The following ARMC9 variants were observed in gnomAD, a reference collection of about 807,000 sequenced individuals.
ARMC9 encodes lisH domain-containing protein ARMC9.
A neutral mutation model predicts 107.0 loss-of-function variants in ARMC9; 94 were observed. The observed-to-expected ratio is 0.88, with a 90% CI of 0.74 to 1.04. The LOEUF (loss-of-function observed/expected upper bound fraction) is 1.04. Ranked by LOEUF, ARMC9 falls within the 50% of genes least tolerant of loss-of-function variation. The pLI is 0.00. For missense variants in ARMC9, 942 were observed against 1,030.1 expected, an observed-to-expected ratio of 0.91 and a Z score of 1.17; for synonymous variants, 380 against 396.9, an observed-to-expected ratio of 0.96 and a Z score of 0.51.
chr2:231,229,230 C>G (rs1378262279), intron 7 of ARMC9, among the ~76,000 whole-genome samples: 1 of 152,134 alleles, frequency 6.6e-6, no homozygotes, highest in Non-Finnish European at 1.5e-5. Flanking sequence ...TTTGTCACCC[C>G]CTTGTCCCCT....
chr2:231,220,811 T>C (rs2034047477), intron 5 of ARMC9, among the ~76,000 whole-genome samples: 1 of 152,200 alleles, frequency 6.6e-6, no homozygotes, highest in South Asian at 2.1e-4. Context: ...ATCCCTGTCA[T>C]TAGCAGAGCA....
In ARMC9 at chr2:231,360,854, C is replaced by T. The variant is rs1219700669; in HGVS notation, c.2232C>T (p.Pro744=). Residue 744 remains proline (P), a synonymous_variant, in exon 23 of 25, where the codon CCC becomes CCT. Transcript: ENST00000611582. This position sits in a 1 kb window ranked among gnomAD's most constrained non-coding sequence, Gnocchi z 4.7. ...TGTPRQPREA[P]QDPGNGVTTR... ...CCCCCCGCCAGCCAAGGGAGGCGCC[C>T]CAGGACCCAGGCAATGGAGTGACCA... 34 of 1,534,966 alleles carry T rather than the reference C, an allele frequency of 2.2e-5. No individual in the cohort carries two copies. In the East Asian group the frequency reaches 6.6e-4, roughly 30 times the overall value.
At chr2:231,258,904 C>G (rs997204229) in intron 10 of ARMC9, 87 bp from the exon 11 acceptor site, 2 of 1,237,552 alleles carry the variant, frequency 1.6e-6, no homozygotes, top group Non-Finnish European at 2.3e-6. Flanking sequence ...ACAGCAGGCT[C>G]TAGCTTGGGT....
intron 19 of ARMC9, among the ~76,000 whole-genome samples, chr2:231,308,953 G>A (rs1015355086): frequency 5.3e-5 from 8 of 152,214 alleles, no homozygotes; most frequent in Admixed American, 2.6e-4. Context: ...CACAGGCTAC[G>A]CTTCTAATCC....
chr2:231,245,254 C>A (rs1401505042), intron 9 of ARMC9, among the ~76,000 whole-genome samples: 1 of 152,232 alleles, frequency 6.6e-6, no homozygotes, highest in African/African-American at 2.4e-5. Context: ...TTTATATTAT[C>A]ATCAACTTAG....
intron 10 of ARMC9, among the ~76,000 whole-genome samples, chr2:231,257,833 G>A (rs1205314453): frequency 6.6e-6 from 1 of 152,176 alleles, no homozygotes. Flanking sequence ...GAACTAGACT[G>A]CAAACCTCAT....
chr2:231,260,508 T>C (rs2038232139), intron 11 of ARMC9, among the ~76,000 whole-genome samples: 1 of 152,230 alleles, frequency 6.6e-6, no homozygotes. Flanking sequence ...CATCTGTGGA[T>C]AGAAACAGTT....
At chr2:231,242,930 G>A (rs1010698134) in intron 9 of ARMC9, among the ~76,000 whole-genome samples, 1 of 151,924 alleles carries the variant, frequency 6.6e-6, no homozygotes, top group Admixed American at 6.6e-5. Flanking sequence ...GGGCAACATG[G>A]TGAAAACCCA....
intron 7 of ARMC9, among the ~76,000 whole-genome samples, chr2:231,230,872 C>T (rs1178008207): frequency 6.6e-6 from 1 of 152,188 alleles, no homozygotes; most frequent in Non-Finnish European, 1.5e-5. Flanking sequence ...CGAATATTTT[C>T]AACCTGAGGT....
chr2:231,269,674 C>T (rs1348861698), intron 12 of ARMC9, among the ~76,000 whole-genome samples: 1 of 152,100 alleles, frequency 6.6e-6, no homozygotes, highest in Non-Finnish European at 1.5e-5. Context: ...CCACCCTGCC[C>T]AGCCTCCCTA....
chr2:231,311,252 C>G (rs2042329213), intron 19 of ARMC9, among the ~76,000 whole-genome samples: 1 of 152,174 alleles, frequency 6.6e-6, no homozygotes, highest in Admixed American at 6.5e-5. Flanking sequence ...GTGCTACTTT[C>G]TGGCATTTAT....
intron 6 of ARMC9, among the ~76,000 whole-genome samples, chr2:231,225,549 A>G (rs1381646441): frequency 6.6e-6 from 1 of 152,226 alleles, no homozygotes; most frequent in Non-Finnish European, 1.5e-5. Context: ...CATAAAAAGG[A>G]ATGAAGCACT....
At chr2:231,314,357 T>C (rs930574871) in intron 19 of ARMC9, among the ~76,000 whole-genome samples, 3 of 152,148 alleles carry the variant, frequency 2.0e-5, no homozygotes, top group African/African-American at 7.2e-5. Context: ...GGATTACAGG[T>C]GTGAGCCACT....
chr2:231,207,367 C>A (rs2032168167), intron 2 of ARMC9, among the ~76,000 whole-genome samples: 1 of 152,096 alleles, frequency 6.6e-6, no homozygotes, highest in Non-Finnish European at 1.5e-5. Flanking sequence ...GCTTTGTTGC[C>A]CAGGCTGGTC....
intron 19 of ARMC9, among the ~76,000 whole-genome samples, chr2:231,296,788 C>T (rs559706688): frequency 1.3e-5 from 2 of 152,128 alleles, no homozygotes; most frequent in Non-Finnish European, 2.9e-5. Context: ...TTAATGTATG[C>T]GAGTCTCTGA....
intron 9 of ARMC9, among the ~76,000 whole-genome samples, chr2:231,245,069 T>C (rs1018532729): frequency 6.6e-6 from 1 of 152,178 alleles, no homozygotes; most frequent in South Asian, 2.1e-4. Context: ...CTGGCACAGG[T>C]GTCTAGGCAC....
At chr2:231,357,525 G>A (rs967156624) in intron 22 of ARMC9, among the ~76,000 whole-genome samples, 5 of 152,074 alleles carry the variant, frequency 3.3e-5, no homozygotes, top group South Asian at 2.1e-4. Context: ...TGCCAGGCCC[G>A]CTCTGAGCCT....
intron 19 of ARMC9, among the ~76,000 whole-genome samples, chr2:231,329,726 C>G (rs898165613): frequency 6.6e-6 from 1 of 152,088 alleles, no homozygotes; most frequent in African/African-American, 2.4e-5. Flanking sequence ...TTTTTAATTT[C>G]AATGTTCGTG....
At chr2:231,210,987 A>G (rs1184386368) in intron 3 of ARMC9, among the ~76,000 whole-genome samples, 1 of 152,206 alleles carries the variant, frequency 6.6e-6, no homozygotes, top group African/African-American at 2.4e-5. Flanking sequence ...TATGTCATAT[A>G]AATGGAATTA....
Sources: allele counts gnomAD v4.1 joint callset (sites outside exome capture counted in the v4.1 genomes callset), GRCh38; gene constraint gnomAD v4.1.1; non-coding constraint Gnocchi (gnomAD v3.1); transcripts MANE v1.5; gene names NCBI Gene and HGNC (gene_info 2026-07-23, HGNC 2026-07-21).